SEC24D: variants seen among roughly 807,000 people sequenced by gnomAD.
SEC24D encodes the protein protein transport protein Sec24D.
Under a neutral mutation model 116.9 loss-of-function variants are expected in SEC24D, and 69 were observed. The observed-to-expected ratio is 0.59, with a 90% CI of 0.49 to 0.72. The LOEUF (loss-of-function observed/expected upper bound fraction) is 0.72. Ranked by LOEUF, SEC24D falls within the 30% of genes least tolerant of loss-of-function variation. The probability of loss-of-function intolerance (pLI) is 0.00; values close to 1 mark genes in which losing one functional copy is unlikely to be tolerated. For missense variants in SEC24D, 1,131 were observed against 1,264.1 expected (o/e 0.89, Z 1.60); for synonymous variants, 405 against 442.8 (o/e 0.91, Z 1.07).
intron 1 of SEC24D, among the ~76,000 whole-genome samples, chr4:118,835,417 G>T (rs1731051586): frequency 6.6e-6 from 1 of 152,082 alleles, no homozygotes; most frequent in Admixed American, 6.6e-5. Flanking sequence ...CAAAATCTGG[G>T]GAGCCCCAAC....
At chr4:118,806,183 T>C (rs998873790) in intron 6 of SEC24D, among the ~76,000 whole-genome samples, 5 of 152,214 alleles carry the variant, frequency 3.3e-5, no homozygotes, top group Admixed American at 6.5e-5. Flanking sequence ...TGTCTTCAGT[T>C]AAAATGGTTA....
intron 2 of SEC24D, among the ~76,000 whole-genome samples, chr4:118,828,563 T>C (rs1407804688): frequency 6.6e-6 from 1 of 152,122 alleles, no homozygotes. Flanking sequence ...ATCCAGTGGA[T>C]AGAGACCAAA....
In SEC24D at chr4:118,818,737, C is replaced by T. The variant is rs1207383917; in HGVS notation, c.249-1325G>A. On this transcript the variant is annotated intron_variant, in intron 3 of 22. Transcript: ENST00000280551. ...ACTCTTCTGTAATGATACAGAAAGG[C>T]TGCCTAATAAAATACATGTTGCAAG... Among the ~76,000 whole-genome samples, 7 of 151,474 alleles carry T rather than the reference C, an allele frequency of 4.6e-5. No individual in the cohort carries two copies. The East Asian group carries it at 1.2e-3, about 25-fold the overall frequency.
chr4:118,724,901 A>T (rs192225239), intron 22 of SEC24D, among the ~76,000 whole-genome samples: 53 of 152,304 alleles, frequency 3.5e-4, no homozygotes, highest in Admixed American at 7.2e-4. Flanking sequence ...AGGTAAACCC[A>T]CCAGAAAGGC....
At chr4:118,735,507 G>GT (rs955472539) in intron 19 of SEC24D, among the ~76,000 whole-genome samples, 43 of 151,818 alleles carry the variant, frequency 2.8e-4, no homozygotes, top group African/African-American at 9.2e-4. Context: ...TGGTAATGAG[G>GT]TTTTTTTTGT....
rs77922514 is a variant in SEC24D, at chr4:118,808,475, A to G, written c.802-2521T>C. Among the ~76,000 whole-genome samples, 5 of 152,332 alleles carry G rather than the reference A, an allele frequency of 3.3e-5. No individual in the cohort carries two copies. In the East Asian group the frequency reaches 9.6e-4, roughly 29 times the overall value. On this transcript the variant is annotated intron_variant, in intron 6 of 22. Coordinates refer to ENST00000280551, the MANE Select transcript of SEC24D (RefSeq NM_014822.4). ...GCCCTGCCTCCAAAGAAACAGTGTT[A>G]TCAGTAGTAATTACATTTCTAAATT...
At position 118,817,417 on chromosome 4, in the gene SEC24D, G is replaced by T; in HGVS notation, c.249-5C>A. 6.2e-7 allele frequency: 1 copy of T among 1,603,790 alleles called. No individual in the cohort carries two copies. The highest frequency in any genetic ancestry group is 8.5e-7 in the Non-Finnish European group (1 of 1,176,298). ...ACAGGTGGAGGGCCTGGAAATCTGA[G>T]AGAGGAAAACAGGATGTCAAACAAT... On this transcript the variant is annotated splice_polypyrimidine_tract_variant and splice_region_variant and intron_variant, in intron 3 of 22. Coordinates refer to ENST00000280551, the MANE Select transcript of SEC24D (RefSeq NM_014822.4).
Position 118,828,062 on chromosome 4 carries a change from G to A in SEC24D, c.119-3313C>T, listed in dbSNP as rs998745827. On this transcript the variant is annotated intron_variant, in intron 2 of 22. Coordinates refer to ENST00000280551, the MANE Select transcript of SEC24D (RefSeq NM_014822.4). ...ATCCACCTATATAAGCTCACTATTA[G>A]GAGCCCTATCACCACCCCACAGCCC... is the stretch of plus-strand genomic sequence containing the variant. 8.6e-5 allele frequency among the ~76,000 whole-genome samples: 13 copies of A among 151,998 alleles called. No individual in the cohort carries two copies. The East Asian group carries it at 1.4e-3, about 16-fold the overall frequency.
At chr4:118,759,592 T>C (rs538432342) in intron 10 of SEC24D, among the ~76,000 whole-genome samples, 1 of 152,280 alleles carries the variant, frequency 6.6e-6, no homozygotes, top group African/African-American at 2.4e-5. Context: ...GAAATAAAAA[T>C]CCAGCTCTTA....
intron 10 of SEC24D, 115 bp from the exon 11 acceptor site, chr4:118,757,960 T>TACC: frequency 1.3e-6 from 1 of 792,072 alleles, no homozygotes; most frequent in East Asian, 2.8e-5. Flanking sequence ...ATTTAGGATA[T>TACC]ACCATCTGTG....
At chr4:118,738,113 C>A in intron 19 of SEC24D, 148 bp downstream of exon 19, 2 of 569,946 alleles carry the variant, frequency 3.5e-6, no homozygotes, top group South Asian at 2.7e-5. Flanking sequence ...ACAGCCCCCC[C>A]AAATTGCATT....
intron 4 of SEC24D, 46 bp from the exon 5 acceptor site, chr4:118,815,772 A>G (rs533035867): frequency 6.3e-7 from 1 of 1,594,666 alleles, no homozygotes; most frequent in Admixed American, 1.7e-5. Context: ...ACATTTCTCA[A>G]CTCTCTGACT....
chr4:118,768,362 G>GGTACTA, intron 8 of SEC24D, 51 bp from the exon 9 acceptor site: 1 of 1,473,704 alleles, frequency 6.8e-7, no homozygotes, highest in South Asian at 1.2e-5. Flanking sequence ...AGGATTTCTA[G>GGTACTA]GTACTATAAT....
chr4:118,801,217 G>A (rs373780962), intron 7 of SEC24D, among the ~76,000 whole-genome samples: 91 of 151,018 alleles, frequency 6.0e-4, no homozygotes, highest in East Asian at 3.3e-3. Flanking sequence ...AGCTGAGATC[G>A]CGCCACTGTA....
chr4:118,727,367 G>A (rs1237597231), intron 22 of SEC24D, among the ~76,000 whole-genome samples: 1 of 152,128 alleles, frequency 6.6e-6, no homozygotes, highest in Non-Finnish European at 1.5e-5. Context: ...TATAACCAAA[G>A]CTGACATAAC....
At chr4:118,811,756 T>A (rs1332132802) in intron 6 of SEC24D, among the ~76,000 whole-genome samples, 1 of 152,220 alleles carries the variant, frequency 6.6e-6, no homozygotes, top group Non-Finnish European at 1.5e-5. Context: ...GCCATAAAAG[T>A]AATGACTGGC....
intron 11 of SEC24D, among the ~76,000 whole-genome samples, chr4:118,755,538 C>T (rs538762106): frequency 6.6e-6 from 1 of 151,084 alleles, no homozygotes; most frequent in Non-Finnish European, 1.5e-5. Flanking sequence ...TCTTTTCTTT[C>T]CTGTTCCAGA....
rs141253960 is a variant in SEC24D, at chr4:118,798,954, A to G, written c.914-1144T>C. 3.3e-3 allele frequency among the ~76,000 whole-genome samples: 499 copies of G among 152,344 alleles called. 3 individuals carry two copies. Among genetic ancestry groups the G allele is most frequent in the African/African-American group, 0.011 (470 of 41,574 alleles). The stretch of plus-strand genomic sequence containing the variant: ...ACAGGCCAGATGAGGTAGACTCTTG[A>G]GACCATTTTAAGCCCTCTGGCTTTT... On this transcript the variant is annotated intron_variant, in intron 7 of 22. Transcript: ENST00000280551.
At chr4:118,738,129 T>C in intron 19 of SEC24D, 132 bp downstream of exon 19, 1 of 618,926 alleles carries the variant, frequency 1.6e-6, no homozygotes, top group Middle Eastern at 2.9e-4. Flanking sequence ...GCATTCTTAA[T>C]CTTCTCAGCT....
Sources: gnomAD v4.1 joint callset for allele counts (sites outside exome capture counted in the v4.1 genomes callset) on GRCh38, gnomAD v4.1.1 for gene constraint, MANE v1.5 for transcripts, NCBI Gene and HGNC (gene_info 2026-07-23, HGNC 2026-07-21) for gene names.